Variants in NAV3 observed in about 807,000 individuals in gnomAD.
NAV3 encodes the protein neuron navigator 3, also known as pore membrane and/or filament interacting like protein 1.
A neutral mutation model predicts 244.7 loss-of-function variants in NAV3; 87 were observed. The ratio of observed to expected loss-of-function variants is 0.36; its 90% CI spans 0.30 to 0.42. The LOEUF (loss-of-function observed/expected upper bound fraction) is 0.42. Ranked by LOEUF, NAV3 falls within the 20% of genes least tolerant of loss-of-function variation. The pLI is 1.00. For synonymous variants in NAV3, 1,126 were observed against 1,042.2 expected (o/e 1.08, Z -1.55); for missense variants, 2,663 against 2,893.3 (o/e 0.92, Z 1.83).
At chr12:77,879,284 T>C (rs1458417579) in intron 1 of NAV3, among the ~76,000 whole-genome samples, 1 of 152,144 alleles carries the variant, frequency 6.6e-6, no homozygotes. Flanking sequence ...CTTTACACAC[T>C]ACAAGATTTA....
chr12:77,739,385 G>T (rs1264000647), intron 2 of NAV3, among the ~76,000 whole-genome samples: 1 of 151,534 alleles, frequency 6.6e-6, no homozygotes, highest in African/African-American at 2.4e-5. Flanking sequence ...ATCCTTTGCT[G>T]TGTATAGCGC....
intron 2 of NAV3, among the ~76,000 whole-genome samples, chr12:77,742,326 T>A (rs1408444629): frequency 1.3e-5 from 2 of 152,124 alleles, no homozygotes; most frequent in Non-Finnish European, 2.9e-5. Context: ...CCCAGCATAT[T>A]GTCTTTGCTG....
chr12:77,930,611 A>G (rs1888690006), intron 1 of NAV3, among the ~76,000 whole-genome samples: 1 of 152,190 alleles, frequency 6.6e-6, no homozygotes, highest in Admixed American at 6.5e-5. Context: ...TCTGTTACAT[A>G]GCAGTTACAC....
At chr12:77,767,678 C>T (rs1024206260) in intron 2 of NAV3, among the ~76,000 whole-genome samples, 1 of 152,206 alleles carries the variant, frequency 6.6e-6, no homozygotes, top group African/African-American at 2.4e-5. Flanking sequence ...CAGCTGTGGG[C>T]ACCTGCCTCT....
In NAV3 at chr12:77,732,977, C is replaced by G. The variant is rs572183610; in HGVS notation, c.72+160711C>G. Among the ~76,000 whole-genome samples the G allele has an allele frequency of 3.7e-4, 56 of 152,084 alleles. 1 individual carries two copies. In the South Asian group the frequency reaches 0.011, roughly 30 times the overall value. On this transcript the variant is annotated intron_variant, in intron 2 of 8. Transcript: ENST00000550042. ...ATAAGAGAAACTGGTTCATGAAGAG[C>G]CTTGTCATAGTGAAGACCTTTGGGC...
intron 30 of NAV3, among the ~76,000 whole-genome samples, chr12:78,182,591 T>C (rs1958545880): frequency 6.6e-6 from 1 of 151,960 alleles, no homozygotes; most frequent in African/African-American, 2.4e-5. Flanking sequence ...AAAATAGAAC[T>C]CATAAAGATA....
chr12:77,869,890 G>A (rs1880674993), intron 1 of NAV3, among the ~76,000 whole-genome samples: 1 of 152,124 alleles, frequency 6.6e-6, no homozygotes, highest in Non-Finnish European at 1.5e-5. Flanking sequence ...ACTATGTCAT[G>A]AATGAATGAA....
chr12:77,912,724 G>A (rs886557031), intron 1 of NAV3, among the ~76,000 whole-genome samples: 10 of 151,940 alleles, frequency 6.6e-5, no homozygotes, highest in African/African-American at 2.4e-4. Context: ...TCTGCCTCCC[G>A]GGTTCAAGCA....
rs75404565 is a variant in NAV3 at position 77,977,010 on chromosome 12, A to G, written c.671+8308A>G. On this transcript the variant is annotated intron_variant, in intron 5 of 39. Coordinates refer to ENST00000397909, the MANE Select transcript of NAV3 (RefSeq NM_001024383.2). ...TCTCAATATTAATTTTGACATAAGG[A>G]AACAGAAAATGGAAAGATCAATTAA... Among the ~76,000 whole-genome samples, 1,272 of 152,212 alleles carry G rather than the reference A, an allele frequency of 8.4e-3. 9 individuals are homozygous for G. Among genetic ancestry groups the G allele is most frequent in the Non-Finnish European group, 0.015 (995 of 67,996 alleles).
At chr12:77,928,390 T>A (rs1888442589) in intron 1 of NAV3, among the ~76,000 whole-genome samples, 1 of 152,042 alleles carries the variant, frequency 6.6e-6, no homozygotes, top group African/African-American at 2.4e-5. Context: ...ACTAGGTAGC[T>A]AGAATGCCAA....
In NAV3 at chr12:78,154,170, A is replaced by G. The variant is rs7975804; in HGVS notation, c.4786-5033A>G. On this transcript the variant is annotated intron_variant, in intron 22 of 39. Coordinates refer to ENST00000397909, the MANE Select transcript of NAV3 (RefSeq NM_001024383.2). ...TATGTATATATATATATACCTTCATAACATACATATATAAAATACTATATT... is the reference window on the plus strand; with the variant it reads ...TATGTATATATATATATACCTTCATGACATACATATATAAAATACTATATT... 9.9e-3 allele frequency among the ~76,000 whole-genome samples: 1,281 copies of G among 129,202 alleles called. 20 individuals carry two copies. Among genetic ancestry groups the G allele is most frequent in the African/African-American group, 0.034 (1,221 of 36,232 alleles). 84.8% of individuals were successfully genotyped at this position (129,202 alleles called of 152,430 possible). A position where few individuals can be genotyped will look rare whatever the true frequency, so the allele number is the denominator to read the frequency against.
chr12:78,077,583 T>A (rs1203989499), intron 12 of NAV3, among the ~76,000 whole-genome samples: 1 of 152,254 alleles, frequency 6.6e-6, no homozygotes, highest in Non-Finnish European at 1.5e-5. Flanking sequence ...TAACATTGAT[T>A]CTCTGTATTA....
chr12:77,871,537 G>A (rs957044618), intron 1 of NAV3, among the ~76,000 whole-genome samples: 1 of 152,110 alleles, frequency 6.6e-6, no homozygotes, highest in African/African-American at 2.4e-5. Flanking sequence ...AACATGCAGT[G>A]TTTGGTTTTC....
intron 23 of NAV3, among the ~76,000 whole-genome samples, chr12:78,167,056 A>G (rs1217925548): frequency 6.6e-6 from 1 of 151,766 alleles, no homozygotes; most frequent in Admixed American, 6.6e-5. Context: ...ATAAATTTCC[A>G]GTAGGAGCAG....
In NAV3 at chr12:78,176,983, AT is replaced by A. The variant is rs530347303; in HGVS notation, c.5125-148del. Among the ~76,000 whole-genome samples, 312 of 148,892 alleles carry A rather than the reference AT, an allele frequency of 2.1e-3. 2 individuals are homozygous for A. The highest frequency in any genetic ancestry group is 7.1e-3 in the African/African-American group (290 of 40,764). ...AAATGAACACACAAAACACGGTATCATTTTTTTTTTAGAGATACTGTGCTGC... is the reference window on the plus strand; with the variant it reads ...AAATGAACACACAAAACACGGTATCATTTTTTTTTAGAGATACTGTGCTGC... On this transcript the variant is annotated intron_variant, in intron 26 of 39. Transcript: ENST00000397909.
chr12:77,675,742 G>A (rs139609939), intron 2 of NAV3, among the ~76,000 whole-genome samples: 1,751 of 152,262 alleles, frequency 0.011, 20 homozygotes, highest in Non-Finnish European at 0.019. Flanking sequence ...GTGTCCAGTT[G>A]TCAGTGGGTG....
At chr12:77,808,874 A>G (rs549461861) in intron 2 of NAV3, among the ~76,000 whole-genome samples, 1 of 152,286 alleles carries the variant, frequency 6.6e-6, no homozygotes, top group Admixed American at 6.5e-5. Flanking sequence ...ATGCCGTCTC[A>G]GAGAGGAGGA....
At chr12:77,687,596 A>ATT (rs1215670390) in intron 2 of NAV3, among the ~76,000 whole-genome samples, 2 of 152,144 alleles carry the variant, frequency 1.3e-5, no homozygotes, top group Non-Finnish European at 2.9e-5. Flanking sequence ...TAAACGCACT[A>ATT]TTGAGTTGCT....
At chr12:78,017,285 T>C (rs941558979) in intron 8 of NAV3, among the ~76,000 whole-genome samples, 5 of 152,092 alleles carry the variant, frequency 3.3e-5, no homozygotes, top group African/African-American at 9.7e-5. Flanking sequence ...CAGTAACAGA[T>C]GAAGGACCTG....
Sources: gnomAD v4.1 joint callset for allele counts (sites outside exome capture counted in the v4.1 genomes callset) on GRCh38, gnomAD v4.1.1 for gene constraint, MANE v1.5 for transcripts, NCBI Gene and HGNC (gene_info 2026-07-23, HGNC 2026-07-21) for gene names.